ITGA11: variants seen among roughly 807,000 people sequenced by gnomAD.
ITGA11 encodes integrin subunit alpha 11.
Under a neutral mutation model 141.9 loss-of-function variants are expected in ITGA11, and 97 were observed. That is an observed-to-expected ratio of 0.68 (90% CI 0.58 to 0.81). The LOEUF (loss-of-function observed/expected upper bound fraction) is 0.81, where lower values mean the gene tolerates loss of function less well. Ranked by LOEUF, ITGA11 falls within the 30% of genes least tolerant of loss-of-function variation. The pLI, the probability that ITGA11 is intolerant of heterozygous loss-of-function variation, is 0.00. For synonymous variants in ITGA11, 658 were observed against 624.6 expected (o/e 1.05, Z -0.80); for missense variants, 1,387 against 1,559.2 (o/e 0.89, Z 1.86).
intron 28 of ITGA11, among the ~76,000 whole-genome samples, chr15:68,306,741 C>G (rs949885147): frequency 1.3e-5 from 2 of 152,196 alleles, no homozygotes; most frequent in Non-Finnish European, 2.9e-5. Flanking sequence ...TCTTTGCTCT[C>G]CAGCATCTCC....
At chr15:68,398,454 A>G (rs1406256407) in intron 2 of ITGA11, among the ~76,000 whole-genome samples, 1 of 150,864 alleles carries the variant, frequency 6.6e-6, no homozygotes. Flanking sequence ...AGAGCTAACT[A>G]TCCTAAATAT....
In ITGA11 at chr15:68,326,234, CT is replaced by C. The variant is rs1343741252; in HGVS notation, c.2211+419del. Among the ~76,000 whole-genome samples the C allele has an allele frequency of 1.3e-5, 2 of 152,218 alleles. No individual in the cohort carries two copies. Among genetic ancestry groups the C allele is most frequent in the African/African-American group, 2.4e-5 (1 of 41,444 alleles). ...AATGGGGCACCAGGCCACTACCCTA[CT>C]TGTGACATCACTGGCGCCCCTCTCT... On this transcript the variant is annotated intron_variant, in intron 17 of 29. Coordinates refer to ENST00000315757, the MANE Select transcript of ITGA11 (RefSeq NM_001004439.2). The surrounding 1 kb of genome is among the most constrained non-coding windows in gnomAD (Gnocchi z 6.8).
At chr15:68,371,856 C>T (rs1895600611) in intron 2 of ITGA11, among the ~76,000 whole-genome samples, 1 of 152,088 alleles carries the variant, frequency 6.6e-6, no homozygotes, top group Admixed American at 6.5e-5. Flanking sequence ...AGTAAATTCA[C>T]TAAGTCACTG....
At position 68,362,423 on chromosome 15, in the gene ITGA11, C is replaced by T. The variant is rs74894350; in HGVS notation, c.358-719G>A. Among the ~76,000 whole-genome samples the T allele has an allele frequency of 4.4e-3, 669 of 152,268 alleles. 34 individuals carry two copies. In the East Asian group the frequency reaches 0.11, roughly 25 times the overall value. On this transcript the variant is annotated intron_variant, in intron 4 of 29. Coordinates refer to ENST00000315757, the MANE Select transcript of ITGA11 (RefSeq NM_001004439.2). Reference sequence around the variant, plus strand: ...TCCGATCCCTTTCTTTAATTACTTTCTTTTTAAGCTCAGATCTTAAAGGTT... The same window carrying T: ...TCCGATCCCTTTCTTTAATTACTTTTTTTTTAAGCTCAGATCTTAAAGGTT...
intron 15 of ITGA11, among the ~76,000 whole-genome samples, chr15:68,329,176 A>C (rs907773621): frequency 1.6e-4 from 25 of 152,234 alleles, no homozygotes; most frequent in African/African-American, 6.0e-4. Context: ...GGACCTTGGC[A>C]GGTCACATGA....
intron 1 of ITGA11, among the ~76,000 whole-genome samples, chr15:68,430,224 C>T (rs1897238027): frequency 6.6e-6 from 1 of 152,172 alleles, no homozygotes; most frequent in African/African-American, 2.4e-5. Flanking sequence ...CCTTTAATGT[C>T]ATTCTCTGCC....
intron 11 of ITGA11, among the ~76,000 whole-genome samples, chr15:68,337,333 G>C (rs905587129): frequency 4.6e-5 from 7 of 152,076 alleles, no homozygotes; most frequent in Admixed American, 1.3e-4. Flanking sequence ...CTCCCTGAAG[G>C]CCTGATGAAA....
intron 1 of ITGA11, among the ~76,000 whole-genome samples, chr15:68,407,080 TTA>T (rs1172819266): frequency 4.6e-5 from 7 of 152,140 alleles, no homozygotes; most frequent in African/African-American, 1.7e-4. Context: ...AAGATTCCTT[TTA>T]GAGAAGAGGG....
At chr15:68,338,060 AC>A (rs1894428705) in intron 11 of ITGA11, among the ~76,000 whole-genome samples, 1 of 152,076 alleles carries the variant, frequency 6.6e-6, no homozygotes, top group South Asian at 2.1e-4. Context: ...GCCCTGGGAC[AC>A]CCTGATGTGA....
Position 68,369,271 on chromosome 15 carries a change from C to G in ITGA11, c.178G>C (p.Ala60Pro). Residue 60 changes from alanine to proline, a missense_variant, in exon 3 of 30, where the codon GCC becomes CCC. Physicochemically the swap from Ala to Pro is conservative, Grantham distance 27 (BLOSUM62 -1). Transcript: ENST00000315757. Reference protein sequence around the residue: ...ISGNKWLVVGAPLETNGYQKT... With the variant: ...ISGNKWLVVGPPLETNGYQKT... The stretch of plus-strand genomic sequence containing the variant: ...TGGTAGCCATTGGTTTCCAGTGGGG[C>G]GCCCACGACCAGCCTGGGAAGGAAG... 1 of 1,613,632 alleles carries G rather than the reference C, an allele frequency of 6.2e-7. No homozygotes were observed. The highest frequency in any genetic ancestry group is 1.1e-5 in the South Asian group (1 of 91,066).
intron 10 of ITGA11, among the ~76,000 whole-genome samples, chr15:68,346,859 G>A (rs1214310851): frequency 6.6e-6 from 1 of 152,118 alleles, no homozygotes; most frequent in East Asian, 1.9e-4. Context: ...ACATGTGCAT[G>A]TCTCCCCCTA....
intron 1 of ITGA11, among the ~76,000 whole-genome samples, chr15:68,404,974 C>T (rs969251538): frequency 1.3e-5 from 2 of 152,196 alleles, no homozygotes; most frequent in Admixed American, 6.5e-5. Context: ...GGTTAGCTGA[C>T]CTTCCCAAGG....
intron 2 of ITGA11, among the ~76,000 whole-genome samples, chr15:68,373,006 T>C (rs1895634541): frequency 6.6e-6 from 1 of 152,186 alleles, no homozygotes; most frequent in Non-Finnish European, 1.5e-5. Flanking sequence ...AGTAATTCTA[T>C]TTTTTTCAGA....
rs1194205551 is a variant in ITGA11 at position 68,305,956 on chromosome 15, G to T, written c.3381+1392C>A. On this transcript the variant is annotated intron_variant, in intron 28 of 29. Coordinates refer to ENST00000315757, the MANE Select transcript of ITGA11 (RefSeq NM_001004439.2). This position sits in a 1 kb window ranked among gnomAD's most constrained non-coding sequence, Gnocchi z 4.6. ...AATCCCAGCACTTTGGGAAGCCGAG[G>T]CGGGCAGATCATGAGGTCAGGAGAT... is the stretch of plus-strand genomic sequence containing the variant. Among the ~76,000 whole-genome samples the T allele has an allele frequency of 3.3e-5, 5 of 151,912 alleles. No individual in the cohort carries two copies. Among genetic ancestry groups the T allele is most frequent in the African/African-American group, 1.2e-4 (5 of 41,334 alleles).
At position 68,332,467 on chromosome 15, in the gene ITGA11, G is replaced by A. The variant is rs1555447728; in HGVS notation, c.1437C>T (p.Tyr479=). 3.1e-6 allele frequency: 5 copies of A among 1,612,348 alleles called. No individual in the cohort carries two copies. Among genetic ancestry groups the A allele is most frequent in the Non-Finnish European group, 3.4e-6 (4 of 1,179,370 alleles). ...QAMRGQQIGS[Y]FGSEITSVDI... ...CCACCGAGGTGATTTCACTCCCAAA[G>A]TAAGAGCCTATCTGCGGCACGTGAT... Residue 479 remains tyrosine (Y), a synonymous_variant, in exon 13 of 30, where the codon TAC becomes TAT. Coordinates refer to ENST00000315757, the MANE Select transcript of ITGA11 (RefSeq NM_001004439.2).
At chr15:68,390,588 C>G (rs767834811) in intron 2 of ITGA11, among the ~76,000 whole-genome samples, 3 of 152,150 alleles carry the variant, frequency 2.0e-5, no homozygotes, top group Admixed American at 2.0e-4. Flanking sequence ...GACCAAGGCA[C>G]GCAAGCTCTG....
At chr15:68,315,773 C>T (rs372861874) in intron 21 of ITGA11, 46 bp from the exon 22 acceptor site, 68 of 1,476,760 alleles carry the variant, frequency 4.6e-5, no homozygotes, top group African/African-American at 2.2e-4. Flanking sequence ...GGACCAGCCC[C>T]GCCCACTCCC....
intron 3 of ITGA11, among the ~76,000 whole-genome samples, chr15:68,367,480 A>C (rs1895459928): frequency 6.6e-6 from 1 of 151,986 alleles, no homozygotes; most frequent in African/African-American, 2.4e-5. Flanking sequence ...CCTTCTCAAA[A>C]ACTACCTGCT....
chr15:68,358,396 A>G, intron 6 of ITGA11, 62 bp downstream of exon 6: 1 of 1,524,008 alleles, frequency 6.6e-7, no homozygotes, highest in Non-Finnish European at 8.8e-7. Flanking sequence ...GACCTAAGGC[A>G]GCACCTGCCA....
Sources: gnomAD v4.1 joint callset for allele counts (sites outside exome capture counted in the v4.1 genomes callset) on GRCh38, gnomAD v4.1.1 for gene constraint, Gnocchi (gnomAD v3.1) non-coding constraint, MANE v1.5 for transcripts, NCBI Gene and HGNC (gene_info 2026-07-23, HGNC 2026-07-21) for gene names.